Variants in CLDN2 observed in about 807,000 individuals in gnomAD.
CLDN2 encodes claudin-2.
Under a neutral mutation model 8.2 loss-of-function variants are expected in CLDN2, and 1 was observed. That is an observed-to-expected ratio of 0.12 (90% CI 0.04 to 0.58). The LOEUF (loss-of-function observed/expected upper bound fraction) is 0.58. CLDN2 is among the 20% of genes least tolerant of loss of function. CLDN2 has a pLI of 0.90. For synonymous variants in CLDN2, 70 were observed against 70.2 expected, an observed-to-expected ratio of 1.00 and a Z score of 0.01; for missense variants, 108 against 172.9, an observed-to-expected ratio of 0.62 and a Z score of 2.11.
intron 1 of CLDN2, among the ~76,000 whole-genome samples, chrX:106,908,582 T>G (rs971557164): frequency 1.9e-5 from 2 of 104,177 alleles, no homozygotes; most frequent in Non-Finnish European, 3.9e-5. Flanking sequence ...TTTTTTTTTT[T>G]GTTGTTGTTT....
chrX:106,928,258 C>T lies in CLDN2; in HGVS notation c.30C>T (p.Gly10=). The change falls in exon 2 of 2, where the codon GGC becomes GGT. Residue 10 remains glycine (G), a synonymous_variant. Coordinates refer to ENST00000336803, the MANE Select transcript of CLDN2 (RefSeq NM_020384.4). ...CCTCTCTTGGCCTCCAACTTGTGGG[C>T]TACATCCTAGGCCTTCTGGGGCTTT... MASLGLQLV[G]YILGLLGLLG... 8.3e-7 allele frequency: 1 copy of T among 1,211,313 alleles called. No individual in the cohort carries two copies. Among genetic ancestry groups the T allele is most frequent in the South Asian group, 1.8e-5 (1 of 56,817 alleles).
chrX:106,912,878 G>A (rs1222120985), intron 1 of CLDN2, among the ~76,000 whole-genome samples: 2 of 111,380 alleles, frequency 1.8e-5, no homozygotes, highest in Non-Finnish European at 3.8e-5. Context: ...TGGAAAACCT[G>A]TATCAGCCAC....
intron 1 of CLDN2, chrX:106,900,662 G>A (rs1933076060): frequency 2.7e-6 from 3 of 1,124,665 alleles, no homozygotes; most frequent in Non-Finnish European, 3.5e-6. Context: ...GATAGGTTAG[G>A]GGTGAGGAAG....
Position 106,929,307 on chromosome X carries a change from A to C in CLDN2, c.*386A>C. On this transcript the variant is annotated 3_prime_UTR_variant, in exon 2 of 2. Coordinates refer to ENST00000336803, the MANE Select transcript of CLDN2 (RefSeq NM_020384.4). ...ACTGACTGACCCTCTGTGATCAAAG[A>C]CCCTCTCTCTGGCTGAGGTTGGCTC... The C allele has an allele frequency of 5.5e-6, 1 of 181,774 alleles. No homozygotes were observed. The allele number at this position is 181,774 out of a possible 1,213,427, so 15.0% of individuals were successfully genotyped here.
At chrX:106,904,328 G>T (rs1933151363) in intron 1 of CLDN2, among the ~76,000 whole-genome samples, 1 of 112,943 alleles carries the variant, frequency 8.9e-6, no homozygotes, top group African/African-American at 3.2e-5. Context: ...ACAACTACTG[G>T]CAGGGACCTT....
At chrX:106,923,996 T>C (rs958387162) in intron 1 of CLDN2, among the ~76,000 whole-genome samples, 1 of 111,255 alleles carries the variant, frequency 9.0e-6, no homozygotes, top group African/African-American at 3.3e-5. Flanking sequence ...TTTTGAGAAG[T>C]AGTTAAAATG....
chrX:106,928,978 C>T lies in CLDN2; in HGVS notation c.*57C>T, dbSNP rs763951976. The T allele has an allele frequency of 6.4e-4, 630 of 986,929 alleles. 1 individual carries two copies. The highest frequency in any genetic ancestry group is 8.4e-4 in the Non-Finnish European group (594 of 706,874). The allele number at this position is 986,929 out of a possible 1,213,427, so 81.3% of individuals were successfully genotyped here. On this transcript the variant is annotated 3_prime_UTR_variant, in exon 2 of 2. Transcript: ENST00000336803. ...GGTCTGTGAAAAACAGTGGACAGCA[C>T]CCCGAGGGCCACAGGTGAGGGACAC...
intron 1 of CLDN2, among the ~76,000 whole-genome samples, chrX:106,912,096 T>C (rs1327551813): frequency 9.0e-6 from 1 of 111,386 alleles, no homozygotes; most frequent in Non-Finnish European, 1.9e-5. Context: ...TCTCCTCCTC[T>C]TCATGCCCAG....
At chrX:106,904,113 G>A (rs73533011) in intron 1 of CLDN2, among the ~76,000 whole-genome samples, 3 of 112,534 alleles carry the variant, frequency 2.7e-5, no homozygotes, top group East Asian at 5.6e-4. Flanking sequence ...CAGAGCTGCC[G>A]AAGGACCAGC....
chrX:106,912,251 A>C (rs1933255874), intron 1 of CLDN2, among the ~76,000 whole-genome samples: 1 of 111,161 alleles, frequency 9.0e-6, no homozygotes, highest in Non-Finnish European at 1.9e-5. Context: ...AGCCCCTAAA[A>C]TTCAGGAGGT....
chrX:106,911,141 T>A (rs1452853655), intron 1 of CLDN2, among the ~76,000 whole-genome samples: 2 of 111,560 alleles, frequency 1.8e-5, no homozygotes, highest in Non-Finnish European at 3.8e-5. Flanking sequence ...TGATGTTGGG[T>A]AAGTGAACCA....
intron 1 of CLDN2, among the ~76,000 whole-genome samples, chrX:106,921,335 C>T (rs1933389589): frequency 1.8e-5 from 2 of 112,542 alleles, no homozygotes; most frequent in African/African-American, 6.5e-5. Context: ...AGATGAACTG[C>T]TCTAAGGACA....
chrX:106,912,295 G>A (rs1357002735), intron 1 of CLDN2, among the ~76,000 whole-genome samples: 1 of 111,178 alleles, frequency 9.0e-6, no homozygotes, highest in Non-Finnish European at 1.9e-5. Context: ...GCTGGGCATA[G>A]GAAGTATATA....
chrX:106,902,086 A>C, intron 1 of CLDN2: 2 of 1,029,000 alleles, frequency 1.9e-6, no homozygotes, highest in East Asian at 6.5e-5. Flanking sequence ...TGACCTGGTC[A>C]CTGTTAATGC....
intron 1 of CLDN2, chrX:106,903,432 G>T (rs1317949221): frequency 1.0e-5 from 6 of 595,661 alleles, no homozygotes; most frequent in African/African-American, 2.3e-5. Flanking sequence ...TTGGGAGGGG[G>T]ATAAAGATTT....
chrX:106,917,049 C>T (rs145751427), upstream of CLDN2, among the ~76,000 whole-genome samples: 133 of 112,082 alleles, frequency 1.2e-3, no homozygotes, highest in African/African-American at 4.2e-3. Flanking sequence ...AGACCCTGGA[C>T]ATGTTGCATT....
upstream of CLDN2, among the ~76,000 whole-genome samples, chrX:106,913,589 C>T (rs1038916068): frequency 1.1e-4 from 12 of 112,228 alleles, no homozygotes; most frequent in African/African-American, 3.2e-4. Flanking sequence ...CAACTTAGTA[C>T]GATGCCCATT....
At position 106,922,972 on chromosome X, in the gene CLDN2, ATTT is replaced by A. The variant is rs57514922; in HGVS notation, c.-179+2440_-179+2442del. Among the ~76,000 whole-genome samples, 309 of 78,363 alleles carry A rather than the reference ATTT, an allele frequency of 3.9e-3. 8 individuals carry two copies. In the East Asian group the frequency reaches 0.087, roughly 22 times the overall value. The allele number at this position is 78,363 out of a possible 115,157, so 68.0% of individuals were successfully genotyped here. On this transcript the variant is annotated intron_variant, in intron 1 of 1. Transcript: ENST00000336803. Reference sequence around the variant, plus strand: ...CCTGAAATACTTAAGAGCTCTGAAGATTTTTTTTTTTTTTTTTTTTTGAGACAA... The same window carrying A: ...CCTGAAATACTTAAGAGCTCTGAAGATTTTTTTTTTTTTTTTTTGAGACAA...
At position 106,928,429 on chromosome X, in the gene CLDN2, T is replaced by C. The variant is rs144975285; in HGVS notation, c.201T>C (p.Tyr67=). 5.8e-5 allele frequency: 70 copies of C among 1,210,259 alleles called. No homozygotes were observed. The African/African-American group carries it at 8.7e-4, about 15-fold the overall frequency. The stretch of plus-strand genomic sequence containing the variant: ...CAGGCATCACCCAGTGTGACATCTA[T>C]AGCACCCTTCTGGGCCTGCCCGCTG... ...HSTGITQCDI[Y]STLLGLPADI... Residue 67 remains tyrosine, a synonymous_variant, in exon 2 of 2, where the codon TAT becomes TAC. Coordinates refer to ENST00000336803, the MANE Select transcript of CLDN2 (RefSeq NM_020384.4).
Sources: gnomAD v4.1 joint callset for allele counts (sites outside exome capture counted in the v4.1 genomes callset) on GRCh38, gnomAD v4.1.1 for gene constraint, MANE v1.5 for transcripts, NCBI Gene and HGNC (gene_info 2026-07-23, HGNC 2026-07-21) for gene names.